Variants in LRCH1 observed in about 807,000 individuals in gnomAD.
LRCH1 encodes leucine-rich repeat and calponin homology domain-containing protein 1.
LRCH1 carries 23 observed loss-of-function variants against 94.9 expected under a neutral mutation model. The ratio of observed to expected loss-of-function variants is 0.24; its 90% CI spans 0.17 to 0.34. LRCH1 has a LOEUF of 0.34. Among genes scored for constraint, LRCH1 ranks in the 10% least tolerant of loss-of-function variants. LRCH1 has a pLI of 1.00. For synonymous variants in LRCH1, 364 were observed against 354.9 expected, an observed-to-expected ratio of 1.03 and a Z score of -0.29; for missense variants, 790 against 945.9, an observed-to-expected ratio of 0.84 and a Z score of 2.16.
intron 9 of LRCH1, 126 bp from the exon 10 acceptor site, chr13:46,699,210 G>A: frequency 1.4e-6 from 1 of 709,110 alleles, no homozygotes. Context: ...ATAGATGGCT[G>A]TTTGGCTTGT....
At chr13:46,600,777 C>T (rs114985448) in intron 1 of LRCH1, among the ~76,000 whole-genome samples, 201 of 152,330 alleles carry the variant, frequency 1.3e-3, no homozygotes, top group African/African-American at 4.5e-3. Flanking sequence ...ATTATTTCAT[C>T]ATGCAGTTTA....
rs559146970 is a variant in LRCH1 at position 46,697,090 on chromosome 13, T to C, written c.1245+2073T>C. 7.9e-5 allele frequency among the ~76,000 whole-genome samples: 12 copies of C among 152,320 alleles called. No homozygotes were observed. In the South Asian group the frequency reaches 2.5e-3, roughly 32 times the overall value. On this transcript the variant is annotated intron_variant, in intron 9 of 19. Coordinates refer to ENST00000389797, the MANE Select transcript of LRCH1 (RefSeq NM_001164211.2). ...CTCAGAAAAACAGAGTTCTATGCTT[T>C]ACATAATCCTGTTTTCTTTACTGAA...
chr13:46,665,994 TC>T (rs949979388), intron 2 of LRCH1, among the ~76,000 whole-genome samples: 1 of 152,208 alleles, frequency 6.6e-6, no homozygotes, highest in Non-Finnish European at 1.5e-5. Context: ...ATTTCCTTTT[TC>T]TATTGGGGAA....
intron 2 of LRCH1, among the ~76,000 whole-genome samples, chr13:46,664,549 T>G (rs7333028): frequency 6.6e-6 from 1 of 152,102 alleles, no homozygotes; most frequent in Non-Finnish European, 1.5e-5. Context: ...GGCTAGACAC[T>G]TAGGTTTGTG....
chr13:46,741,588 AT>A (rs1293429631), intron 19 of LRCH1, 53 bp from the exon 20 acceptor site: 39 of 1,608,052 alleles, frequency 2.4e-5, no homozygotes, highest in Non-Finnish European at 3.1e-5. Context: ...TCCTCCGTGT[AT>A]TTTTAATTGT....
chr13:46,629,384 GT>G (rs1453922660), intron 1 of LRCH1, among the ~76,000 whole-genome samples: 2 of 152,160 alleles, frequency 1.3e-5, no homozygotes, highest in Non-Finnish European at 2.9e-5. Flanking sequence ...CACTTTATGT[GT>G]TCTTGTGTGC....
In LRCH1 at chr13:46,705,125, A is replaced by G. The variant is rs763720012; in HGVS notation, c.1458A>G (p.Ala486=). Residue 486 remains alanine, a synonymous_variant, in exon 12 of 20, where the codon GCA becomes GCG. Transcript: ENST00000389797. ...SVLNLYPMGS[A]EALELQDSAL... is the part of the protein sequence containing the mutation. ...TAAACCTATATCCTATGGGATCAGC[A>G]GAAGCCTTAGAATTACAAGATTCTG... is the stretch of plus-strand genomic sequence containing the variant. 1 of 1,609,328 alleles carries G rather than the reference A, an allele frequency of 6.2e-7. No homozygotes were observed. Among genetic ancestry groups the G allele is most frequent in the Non-Finnish European group, 8.5e-7 (1 of 1,177,838 alleles).
intron 3 of LRCH1, among the ~76,000 whole-genome samples, chr13:46,671,049 C>T (rs575731162): frequency 1.2e-4 from 19 of 152,350 alleles, no homozygotes; most frequent in African/African-American, 3.4e-4. Flanking sequence ...CCCCTGCTCA[C>T]CTCTTCGGGT....
At chr13:46,688,761 A>G (rs1305627248) in intron 6 of LRCH1, among the ~76,000 whole-genome samples, 1 of 152,356 alleles carries the variant, frequency 6.6e-6, no homozygotes, top group East Asian at 1.9e-4. Flanking sequence ...ATTTCATAAC[A>G]TAAGGGGTAA....
chr13:46,607,749 G>A (rs2137996005), intron 1 of LRCH1, among the ~76,000 whole-genome samples: 1 of 151,716 alleles, frequency 6.6e-6, no homozygotes, highest in East Asian at 1.9e-4. Flanking sequence ...GACATCTTAG[G>A]AAGATGACTG....
At chr13:46,736,264 T>C (rs1243960300) in intron 19 of LRCH1, among the ~76,000 whole-genome samples, 1 of 152,180 alleles carries the variant, frequency 6.6e-6, no homozygotes, top group Non-Finnish European at 1.5e-5. Flanking sequence ...TCTTTAATGA[T>C]AATGTTAAAG....
chr13:46,652,865 G>A (rs2051325148), intron 2 of LRCH1, among the ~76,000 whole-genome samples: 1 of 152,166 alleles, frequency 6.6e-6, no homozygotes. Context: ...TACAATGATA[G>A]GGATTTTAAA....
At chr13:46,620,964 C>T (rs949975712) in intron 1 of LRCH1, among the ~76,000 whole-genome samples, 3 of 152,142 alleles carry the variant, frequency 2.0e-5, no homozygotes, top group Admixed American at 6.5e-5. Flanking sequence ...TGGGTGTCAT[C>T]GTTGGCTCTT....
intron 2 of LRCH1, among the ~76,000 whole-genome samples, chr13:46,662,672 G>A (rs749738191): frequency 9.9e-5 from 15 of 152,256 alleles, no homozygotes; most frequent in Non-Finnish European, 2.1e-4. Flanking sequence ...GTAGACATTG[G>A]TAGCTTACAT....
At position 46,723,271 on chromosome 13, in the gene LRCH1, A is replaced by C. The variant is rs1300939492; in HGVS notation, c.1810A>C (p.Ile604Leu). ...GGAATCTATAGACCCGCAGTTTACA[A>C]TCCGGAGGAAAATGGAGCAGATGAG... ...NLESIDPQFTIRRKMEQMREE... is the reference protein window; with the variant it reads ...NLESIDPQFTLRRKMEQMREE... The change falls in exon 17 of 20, where the codon ATC (isoleucine) becomes CTC (leucine). Residue 604 changes from isoleucine to leucine, a missense_variant. Coordinates refer to ENST00000389797, the MANE Select transcript of LRCH1 (RefSeq NM_001164211.2). The C allele has an allele frequency of 6.2e-7, 1 of 1,614,014 alleles. No homozygotes were observed. Among genetic ancestry groups the C allele is most frequent in the African/African-American group, 1.3e-5 (1 of 75,064 alleles).
chr13:46,592,857 G>A (rs186377312), intron 1 of LRCH1, among the ~76,000 whole-genome samples: 182 of 152,110 alleles, frequency 1.2e-3, no homozygotes, highest in African/African-American at 4.1e-3. Flanking sequence ...CTTCATTCTC[G>A]CATTGGTATT....
At chr13:46,695,281 A>G (rs895872196) in intron 9 of LRCH1, among the ~76,000 whole-genome samples, 4 of 152,348 alleles carry the variant, frequency 2.6e-5, no homozygotes, top group Middle Eastern at 3.4e-3. Flanking sequence ...TAGCAAACTC[A>G]TTAGTGTGAC....
At chr13:46,572,638 T>A (rs1234885645) in intron 1 of LRCH1, among the ~76,000 whole-genome samples, 1 of 151,784 alleles carries the variant, frequency 6.6e-6, no homozygotes, top group African/African-American at 2.4e-5. Flanking sequence ...ACTCGTGGAG[T>A]CATATGGAAG....
At chr13:46,596,842 G>A (rs73190983) in intron 1 of LRCH1, among the ~76,000 whole-genome samples, 9,893 of 152,190 alleles carry the variant, frequency 0.065, 412 homozygotes, top group East Asian at 0.21. Context: ...TGCTGAATTT[G>A]GGGGAGTGAA....
Sources: allele counts gnomAD v4.1 joint callset (sites outside exome capture counted in the v4.1 genomes callset), GRCh38; gene constraint gnomAD v4.1.1; transcripts MANE v1.5; gene names NCBI Gene and HGNC (gene_info 2026-07-23, HGNC 2026-07-21).